The following GOLM2 variants were observed in gnomAD, a reference collection of about 807,000 sequenced individuals.
GOLM2 encodes golgi membrane protein 2.
Under a neutral mutation model 55.9 loss-of-function variants are expected in GOLM2, and 26 were observed. That is an observed-to-expected ratio of 0.47 (90% CI 0.34 to 0.65). GOLM2 has a LOEUF of 0.65. GOLM2 is among the 30% of genes least tolerant of loss of function. The pLI, the probability that GOLM2 is intolerant of heterozygous loss-of-function variation, is 0.01. For missense variants in GOLM2, 486 were observed against 531.8 expected (o/e 0.91, Z 0.85); for synonymous variants, 165 against 194.6 (o/e 0.85, Z 1.27).
intron 6 of GOLM2, among the ~76,000 whole-genome samples, chr15:44,349,133 C>T (rs1353743091): frequency 6.6e-6 from 1 of 151,838 alleles, no homozygotes; most frequent in Non-Finnish European, 1.5e-5. Context: ...GTGGTGCATG[C>T]CTGTAATCCC....
intron 1 of GOLM2, among the ~76,000 whole-genome samples, chr15:44,295,381 G>C (rs920143540): frequency 6.6e-6 from 1 of 152,124 alleles, no homozygotes; most frequent in African/African-American, 2.4e-5. Flanking sequence ...ATCCGGCCTT[G>C]AACATGGAAA....
chr15:44,338,813 T>C (rs1378743890), intron 6 of GOLM2, among the ~76,000 whole-genome samples: 2 of 152,188 alleles, frequency 1.3e-5, no homozygotes, highest in Non-Finnish European at 2.9e-5. Flanking sequence ...TCTTCTTTTC[T>C]GGCCACTTCT....
intron 6 of GOLM2, among the ~76,000 whole-genome samples, chr15:44,378,355 T>C (rs2079378629): frequency 7.6e-6 from 1 of 132,014 alleles, no homozygotes; most frequent in Non-Finnish European, 1.6e-5. Flanking sequence ...GCGCCAGGAC[T>C]TTTTTTTTTT....
intron 6 of GOLM2, chr15:44,355,620 C>A: frequency 4.8e-6 from 1 of 208,998 alleles, no homozygotes; most frequent in East Asian, 1.5e-4. Flanking sequence ...AGTTAATTTC[C>A]TGGTATGACA....
chr15:44,367,853 A>G (rs938493480), intron 6 of GOLM2, among the ~76,000 whole-genome samples: 14 of 150,298 alleles, frequency 9.3e-5, no homozygotes, highest in Non-Finnish European at 1.3e-4. Context: ...TAAGTCAGCC[A>G]TCTTTCTTTT....
At chr15:44,408,962 C>G (rs1385723724) in intron 9 of GOLM2, among the ~76,000 whole-genome samples, 2 of 151,100 alleles carry the variant, frequency 1.3e-5, no homozygotes, top group Non-Finnish European at 2.9e-5. Flanking sequence ...GACTACGTCT[C>G]AAAACAAACA....
At chr15:44,318,653 G>A (rs1371209294) in intron 1 of GOLM2, among the ~76,000 whole-genome samples, 1 of 150,440 alleles carries the variant, frequency 6.6e-6, no homozygotes, top group African/African-American at 2.5e-5. Flanking sequence ...AGGTTGCAGC[G>A]AGCAGAGATT....
intron 1 of GOLM2, among the ~76,000 whole-genome samples, chr15:44,312,310 A>G (rs1242434597): frequency 6.6e-6 from 1 of 152,156 alleles, no homozygotes; most frequent in Non-Finnish European, 1.5e-5. Context: ...TCTCCAGGCA[A>G]CACACCCTTT....
At chr15:44,360,117 A>G (rs2079226953) in intron 6 of GOLM2, among the ~76,000 whole-genome samples, 1 of 152,232 alleles carries the variant, frequency 6.6e-6, no homozygotes, top group African/African-American at 2.4e-5. Context: ...TGTAAAGACC[A>G]TCAAGACTAG....
At chr15:44,321,484 A>AAAAAAAG in intron 1 of GOLM2, among the ~76,000 whole-genome samples, 1 of 70,028 alleles carries the variant, frequency 1.4e-5, no homozygotes. Context: ...AAAAAAAAAA[A>AAAAAAAG]GGGGGGGTGG....
intron 6 of GOLM2, among the ~76,000 whole-genome samples, chr15:44,345,038 C>T (rs1182167473): frequency 2.6e-5 from 4 of 151,634 alleles, no homozygotes; most frequent in Non-Finnish European, 5.9e-5. Flanking sequence ...GTCTCGATCT[C>T]CTGACCTCGT....
intron 3 of GOLM2, among the ~76,000 whole-genome samples, chr15:44,329,899 CTTTTT>C (rs777520089): frequency 7.9e-6 from 1 of 126,936 alleles, no homozygotes; most frequent in Admixed American, 8.1e-5. Flanking sequence ...GAGAACTTGT[CTTTTT>C]TTTTTTTTTT....
chr15:44,368,999 A>G (rs2079305223), intron 6 of GOLM2, among the ~76,000 whole-genome samples: 2 of 138,672 alleles, frequency 1.4e-5, no homozygotes. Context: ...AAATTACTGG[A>G]GGAGCCTGCG....
rs115301279 is a variant in GOLM2, at chr15:44,303,920, A to G, written c.327+14564A>G. Among the ~76,000 whole-genome samples the G allele has an allele frequency of 1.5e-3, 227 of 151,338 alleles. 1 individual carries two copies. Among genetic ancestry groups the G allele is most frequent in the African/African-American group, 5.3e-3 (219 of 41,226 alleles). Reference sequence around the variant, plus strand: ...CTGGCTGATTTTTGTATTTCAGTAGAGACAGGGTTTTGTTGGCCAAGTAGG... The same window carrying G: ...CTGGCTGATTTTTGTATTTCAGTAGGGACAGGGTTTTGTTGGCCAAGTAGG... On this transcript the variant is annotated intron_variant, in intron 1 of 9. Transcript: ENST00000299957.
chr15:44,356,161 A>G (rs1360485452), intron 6 of GOLM2, among the ~76,000 whole-genome samples: 4 of 151,994 alleles, frequency 2.6e-5, no homozygotes, highest in African/African-American at 9.7e-5. Flanking sequence ...TTAAGTTTCC[A>G]CCTTAGGAAA....
At chr15:44,300,237 GAAAGA>G (rs1050974581) in intron 1 of GOLM2, among the ~76,000 whole-genome samples, 4 of 149,864 alleles carry the variant, frequency 2.7e-5, no homozygotes, top group Non-Finnish European at 5.9e-5. Context: ...GGAGAGGGAA[GAAAGA>G]AAAGAAAGGA....
At chr15:44,293,493 T>G (rs2078735418) in intron 1 of GOLM2, among the ~76,000 whole-genome samples, 1 of 152,204 alleles carries the variant, frequency 6.6e-6, no homozygotes, top group African/African-American at 2.4e-5. Context: ...TTTTCAGCCT[T>G]TCCTTGTTTT....
At chr15:44,351,945 G>C (rs2141161268) in intron 6 of GOLM2, among the ~76,000 whole-genome samples, 1 of 152,208 alleles carries the variant, frequency 6.6e-6, no homozygotes, top group Non-Finnish European at 1.5e-5. Flanking sequence ...AAAAAGGAAA[G>C]ATATTCCATG....
At chr15:44,312,488 C>T (rs150937082) in intron 1 of GOLM2, among the ~76,000 whole-genome samples, 1 of 152,234 alleles carries the variant, frequency 6.6e-6, no homozygotes, top group East Asian at 1.9e-4. Context: ...TGTCTTTCCT[C>T]TTTGTTAAAA....
Sources: gnomAD v4.1 joint callset for allele counts (sites outside exome capture counted in the v4.1 genomes callset) on GRCh38, gnomAD v4.1.1 for gene constraint, MANE v1.5 for transcripts, NCBI Gene and HGNC (gene_info 2026-07-23, HGNC 2026-07-21) for gene names.